The following RGS14 variants were observed in gnomAD, a reference collection of about 807,000 sequenced individuals.
RGS14 encodes the protein regulator of G protein signaling 14.
In RGS14, 33 loss-of-function variants were observed where a neutral mutation model predicts 63.8. That is an observed-to-expected ratio of 0.52 (90% CI 0.39 to 0.69). The LOEUF (loss-of-function observed/expected upper bound fraction) is 0.69. RGS14 is among the 30% of genes least tolerant of loss of function. RGS14 has a pLI of 0.00. For synonymous variants in RGS14, 296 were observed against 320.9 expected (o/e 0.92, Z 0.83); for missense variants, 739 against 742.9 (o/e 0.99, Z 0.06).
At position 177,371,006 on chromosome 5, in the gene RGS14, GCCCGCTAGAGGTGGTGCTGCACC is replaced by G. The variant is rs2127336930; in HGVS notation, c.1230_1252del (p.Ser410ArgfsTer37). 6.3e-7 allele frequency: 1 copy of G among 1,599,538 alleles called. No homozygotes were observed. Among genetic ancestry groups the G allele is most frequent in the Non-Finnish European group, 8.5e-7 (1 of 1,177,524 alleles). Reference sequence around the variant, plus strand: ...CCCATTCTGGAGAAGCACGGCTTGAGCCCGCTAGAGGTGGTGCTGCACCGGGTGAGCTTCCGGGCCGCGGGGCG... The same window carrying G: ...CCCATTCTGGAGAAGCACGGCTTGAGGGGTGAGCTTCCGGGCCGCGGGGCG... On this transcript the variant is annotated frameshift_variant and splice_region_variant, in exon 11 of 15. Coordinates refer to ENST00000408923, the MANE Select transcript of RGS14 (RefSeq NM_006480.5). LOFTEE classifies it high-confidence loss of function. This position sits in a 1 kb window ranked among gnomAD's most constrained non-coding sequence, Gnocchi z 6.1.
rs1399369550 is a variant in RGS14, at chr5:177,359,534, G to C, written c.45+1465G>C. 6.6e-6 allele frequency among the ~76,000 whole-genome samples: 1 copy of C among 152,156 alleles called. No individual in the cohort carries two copies. Among genetic ancestry groups the C allele is most frequent in the Non-Finnish European group, 1.5e-5 (1 of 68,018 alleles). ...GACAGACCCAGCCCCTGCCCCTTCT[G>C]TGTCAGCCTGTGACTTCTCTACTCA... On this transcript the variant is annotated intron_variant, in intron 1 of 14. Transcript: ENST00000408923. This position sits in a 1 kb window ranked among gnomAD's most constrained non-coding sequence, Gnocchi z 4.4.
intron 8 of RGS14, 128 bp downstream of exon 8, chr5:177,368,394 A>C: frequency 1.0e-6 from 1 of 987,646 alleles, no homozygotes; most frequent in Non-Finnish European, 1.5e-6. Flanking sequence ...TGCGTAGCCA[A>C]CCCTTCAGCC....
rs200606295 is a variant in RGS14, at chr5:177,372,028, C to T, written c.1654C>T (p.Gln552Ter). 1.0e-4 allele frequency: 167 copies of T among 1,614,018 alleles called. No individual in the cohort carries two copies. Among genetic ancestry groups the T allele is most frequent in the Non-Finnish European group, 1.3e-4 (157 of 1,180,022 alleles). ...ETPPQTKSAA[Q>*]PIGGSLNSTT... ...CCCACCACAGACCAAATCAGCAGCC[C>T]AGCCCATCGGGGGATCCTTGAACTC... The change falls in exon 15 of 15, where the codon CAG becomes TAG. Residue 552 changes from glutamine (Q) to a stop codon, truncating the protein, a stop_gained. Coordinates refer to ENST00000408923, the MANE Select transcript of RGS14 (RefSeq NM_006480.5). LOFTEE classifies it high-confidence loss of function.
rs960607833 is a variant in RGS14, at chr5:177,372,199, G to C, written c.*124G>C. ...GCCCCTTCCTGCCATGGGCAGGCCC[G>C]CAGGAAGAGCCGGTAGGGGTGGAAA... On this transcript the variant is annotated 3_prime_UTR_variant, in exon 15 of 15. Transcript: ENST00000408923. 3.1e-6 allele frequency: 3 copies of C among 958,366 alleles called. No homozygotes were observed. The highest frequency in any genetic ancestry group is 3.3e-5 in the African/African-American group (2 of 60,992). 59.4% of individuals were successfully genotyped at this position (958,366 alleles called of 1,614,324 possible). A position where few individuals can be genotyped will look rare whatever the true frequency, so the allele number is the denominator to read the frequency against.
chr5:177,368,130 T>C (rs1339862133), intron 7 of RGS14, 27 bp from the exon 8 acceptor site: 2 of 1,607,030 alleles, frequency 1.2e-6, no homozygotes, highest in Admixed American at 1.7e-5. Flanking sequence ...GGGGGGCTGT[T>C]CGCGTTCATC....
chr5:177,370,804 C>T (rs1762222064), intron 10 of RGS14, 101 bp from the exon 11 acceptor site: 5 of 1,538,070 alleles, frequency 3.3e-6, no homozygotes, highest in Non-Finnish European at 4.4e-6. Flanking sequence ...AAGCCAGTCC[C>T]ACCTTCTGCA....
intron 1 of RGS14, 135 bp from the exon 2 acceptor site, chr5:177,365,828 C>T (rs1041242980): frequency 2.3e-6 from 2 of 885,490 alleles, no homozygotes; most frequent in Non-Finnish European, 3.8e-6. Flanking sequence ...GAGGAAAACC[C>T]TGACCAAGTA....
Position 177,371,914 on chromosome 5 carries a change from C to T in RGS14, c.1540C>T (p.His514Tyr), listed in dbSNP as rs989151090. The change falls in exon 15 of 15, where the codon CAC (histidine) becomes TAC (tyrosine). Residue 514 changes from histidine (H) to tyrosine (Y), a missense_variant. His to Tyr is a moderately conservative substitution (Grantham distance 83, BLOSUM62 2). Transcript: ENST00000408923. The surrounding 1 kb of genome is among the most constrained non-coding windows in gnomAD (Gnocchi z 6.1). ...LLNRVQSSGA[H>Y]DQRGLLRKED... Reference sequence around the variant, plus strand: ...GAACCGGGTGCAGAGCAGCGGGGCCCACGACCAGAGGGGCCTTCTGAGGAA... The same window carrying T: ...GAACCGGGTGCAGAGCAGCGGGGCCTACGACCAGAGGGGCCTTCTGAGGAA... 1.2e-6 allele frequency: 2 copies of T among 1,613,978 alleles called. No individual in the cohort carries two copies. The highest frequency in any genetic ancestry group is 1.7e-6 in the Non-Finnish European group (2 of 1,179,984).
rs1001824396 is a variant in RGS14, at chr5:177,372,436, C to T, written c.*361C>T. ...GCAAGAGGAGGGGCCGGCCCCTCCT[C>T]AGGAAGCTGGTATGAGTAAGGCCTT... On this transcript the variant is annotated 3_prime_UTR_variant, in exon 15 of 15. Coordinates refer to ENST00000408923, the MANE Select transcript of RGS14 (RefSeq NM_006480.5). 1.2e-5 allele frequency: 3 copies of T among 252,894 alleles called. No individual in the cohort carries two copies. The highest frequency in any genetic ancestry group is 7.6e-6 in the Non-Finnish European group (1 of 131,224). The allele number at this position is 252,894 out of a possible 1,614,324, so 15.7% of individuals were successfully genotyped here. A position where few individuals can be genotyped will look rare whatever the true frequency, so the allele number is the denominator to read the frequency against.
At chr5:177,368,319 C>T in intron 8 of RGS14, 53 bp downstream of exon 8, 3 of 1,536,712 alleles carry the variant, frequency 2.0e-6, no homozygotes, top group Non-Finnish European at 2.6e-6. Flanking sequence ...AGTCACTACT[C>T]AGGCCCATTT....
intron 8 of RGS14, among the ~76,000 whole-genome samples, 182 bp from the exon 9 acceptor site, chr5:177,368,535 C>T (rs1489274265): frequency 2.0e-5 from 3 of 152,238 alleles, no homozygotes; most frequent in Admixed American, 1.3e-4. Context: ...CGGGTGGACC[C>T]GTCTCTAGGT....
At chr5:177,362,428 C>A (rs1330247634) in intron 1 of RGS14, among the ~76,000 whole-genome samples, 1 of 152,144 alleles carries the variant, frequency 6.6e-6, no homozygotes, top group East Asian at 1.9e-4. Context: ...TCCCACCAAC[C>A]AGGCCAGCAC....
chr5:177,369,046 C>A, intron 9 of RGS14, 126 bp downstream of exon 9: 1 of 884,346 alleles, frequency 1.1e-6, no homozygotes, highest in Non-Finnish European at 1.8e-6. Flanking sequence ...AAAGCACCCT[C>A]AGCACCAACT....
chr5:177,362,583 A>T (rs1051913371), intron 1 of RGS14, among the ~76,000 whole-genome samples: 1 of 152,236 alleles, frequency 6.6e-6, no homozygotes, highest in Non-Finnish European at 1.5e-5. Context: ...AGCGAAGAGC[A>T]GGAGCAGATA....
chr5:177,362,794 C>G (rs1761998224), intron 1 of RGS14, among the ~76,000 whole-genome samples: 2 of 148,742 alleles, frequency 1.3e-5, no homozygotes, highest in South Asian at 2.2e-4. Context: ...GGGTTGGCAC[C>G]GTGGGGAGGG....
chr5:177,367,833 C>A lies in RGS14; in HGVS notation c.739+8C>A. ...GCAAGTCCTTCCGCCGGGGTGAGGG[C>A]AGGAGCGAGCAACAGAGATGTGGGG... is the stretch of plus-strand genomic sequence containing the variant. On this transcript the variant is annotated splice_region_variant and intron_variant, in intron 7 of 14. Coordinates refer to ENST00000408923, the MANE Select transcript of RGS14 (RefSeq NM_006480.5). 1 of 1,570,252 alleles carries A rather than the reference C, an allele frequency of 6.4e-7. No individual in the cohort carries two copies. Among genetic ancestry groups the A allele is most frequent in the South Asian group, 1.2e-5 (1 of 85,086 alleles).
Position 177,366,166 on chromosome 5 carries a change from T to C in RGS14, c.68-11T>C. 1.3e-6 allele frequency: 2 copies of C among 1,599,006 alleles called. No homozygotes were observed. The highest frequency in any genetic ancestry group is 8.5e-7 in the Non-Finnish European group (1 of 1,172,430). ...AGCAAGGCTCACCCCAACTTGTCCA[T>C]CCCCCTGCAGAGCTGAGCAGCACGA... On this transcript the variant is annotated splice_polypyrimidine_tract_variant and intron_variant, in intron 2 of 14. Coordinates refer to ENST00000408923, the MANE Select transcript of RGS14 (RefSeq NM_006480.5).
rs1464454550 is a variant in RGS14 at position 177,371,633 on chromosome 5, G to A, written c.1498+44G>A. The A allele has an allele frequency of 1.9e-6, 3 of 1,577,882 alleles. No individual in the cohort carries two copies. Among genetic ancestry groups the A allele is most frequent in the Non-Finnish European group, 2.6e-6 (3 of 1,147,444 alleles). ...GGGGATCAGAAAGACTAGGGCAGTG[G>A]GGTTGGGGACCATTCAGGGTGGCAT... On this transcript the variant is annotated intron_variant, in intron 14 of 14. Coordinates refer to ENST00000408923, the MANE Select transcript of RGS14 (RefSeq NM_006480.5). The surrounding 1 kb of genome is among the most constrained non-coding windows in gnomAD (Gnocchi z 6.1).
In RGS14 at chr5:177,358,442, G is replaced by T. The variant is rs1027675935; in HGVS notation, c.45+373G>T. Among the ~76,000 whole-genome samples, 1 of 152,168 alleles carries T rather than the reference G, an allele frequency of 6.6e-6. No individual in the cohort carries two copies. The highest frequency in any genetic ancestry group is 1.5e-5 in the Non-Finnish European group (1 of 68,014). ...AGCCCCTACATCCCGCTCAGCCTGAGTCCTCCCCTCCTCACCCCCTGCTCC... is the reference window on the plus strand; with the variant it reads ...AGCCCCTACATCCCGCTCAGCCTGATTCCTCCCCTCCTCACCCCCTGCTCC... On this transcript the variant is annotated intron_variant, in intron 1 of 14. Transcript: ENST00000408923. This position sits in a 1 kb window ranked among gnomAD's most constrained non-coding sequence, Gnocchi z 4.8.
Sources: allele counts gnomAD v4.1 joint callset (sites outside exome capture counted in the v4.1 genomes callset), GRCh38; gene constraint gnomAD v4.1.1; non-coding constraint Gnocchi (gnomAD v3.1); transcripts MANE v1.5; gene names NCBI Gene and HGNC (gene_info 2026-07-23, HGNC 2026-07-21).